Variants in DNAH14 observed in about 807,000 individuals in gnomAD.
DNAH14 encodes the protein axonemal beta dynein heavy chain 14.
In DNAH14, 478 loss-of-function variants were observed where a neutral mutation model predicts 520.9. The observed-to-expected ratio is 0.92, with a 90% CI of 0.85 to 0.99. DNAH14 has a LOEUF of 0.99. DNAH14 is among the 50% of genes least tolerant of loss of function. The probability of loss-of-function intolerance (pLI) is 0.00; values close to 1 mark genes in which losing one functional copy is unlikely to be tolerated. For synonymous variants in DNAH14, 1,581 were observed against 1,757.2 expected, an observed-to-expected ratio of 0.90 and a Z score of 2.51; for missense variants, 4,831 against 5,234.5, an observed-to-expected ratio of 0.92 and a Z score of 2.38.
rs1485523320 is a variant in DNAH14, at chr1:225,050,250, CTTCATTGATTTGG to C, written c.1956_1968del (p.Ile653GlnfsTer2). On this transcript the variant is annotated frameshift_variant, in exon 16 of 86. Coordinates refer to ENST00000682510, the MANE Select transcript of DNAH14 (RefSeq NM_001367479.1). LOFTEE classifies it high-confidence loss of function. ...TTTGCCAAGATCCCCAGCTGTCTAT[CTTCATTGATTTGG>C]TTTCAATAATGGATTTACCTAATAA... is the stretch of plus-strand genomic sequence containing the variant. 6.5e-7 allele frequency: 1 copy of C among 1,548,904 alleles called. No individual in the cohort carries two copies. The highest frequency in any genetic ancestry group is 1.4e-5 in the African/African-American group (1 of 72,904).
At chr1:225,073,884 T>C (rs181615110) in intron 17 of DNAH14, among the ~76,000 whole-genome samples, 300 of 151,714 alleles carry the variant, frequency 2.0e-3, no homozygotes, top group Non-Finnish European at 3.1e-3. Context: ...GCTTTCACCA[T>C]GTTGGCCAAA....
At chr1:225,068,080 G>T in intron 17 of DNAH14, among the ~76,000 whole-genome samples, 1 of 152,030 alleles carries the variant, frequency 6.6e-6, no homozygotes, top group Non-Finnish European at 1.5e-5. Context: ...TATAGTTTGG[G>T]GTTTTACATT....
intron 69 of DNAH14, among the ~76,000 whole-genome samples, chr1:225,342,844 C>T (rs1351669577): frequency 1.3e-5 from 2 of 151,436 alleles, no homozygotes; most frequent in Non-Finnish European, 2.9e-5. Context: ...ATGGGTCCCA[C>T]CCCCACCCCT....
At chr1:224,957,125 G>T (rs191520633) in intron 3 of DNAH14, among the ~76,000 whole-genome samples, 1 of 152,026 alleles carries the variant, frequency 6.6e-6, no homozygotes, top group Non-Finnish European at 1.5e-5. Context: ...CGATATAGGG[G>T]GACCATTTAT....
chr1:225,094,656 C>CAAAAAAAAAAAAAAAAAAAAAAAAAA (rs760828776), intron 21 of DNAH14, among the ~76,000 whole-genome samples: 14 of 77,850 alleles, frequency 1.8e-4, no homozygotes, highest in Non-Finnish European at 3.8e-4. Flanking sequence ...TTCTGCACAG[C>CAAAAAAAAAAAAAAAAAAAAAAAAAA]AAAAAAAAAA....
intron 50 of DNAH14, among the ~76,000 whole-genome samples, chr1:225,271,328 A>G (rs1266494018): frequency 6.6e-6 from 1 of 152,214 alleles, no homozygotes; most frequent in Admixed American, 6.5e-5. Context: ...TACCAACTGT[A>G]TCAGAATTAC....
In DNAH14 at chr1:225,380,156, C is replaced by CAGACCTGAGCAGAGTAAGGATGA. The variant is rs1558580895; in HGVS notation, c.12717-1_12738dup. ...CTCATTCTTCTCTTGGTTTTTTTTG[C>CAGACCTGAGCAGAGTAAGGATGA]AGACCTGAGCAGAGTAAGGATGAAC... On this transcript the variant is annotated splice_polypyrimidine_tract_variant and splice_region_variant and intron_variant, in intron 79 of 85. Transcript: ENST00000682510. 1.3e-6 allele frequency: 2 copies of CAGACCTGAGCAGAGTAAGGATGA among 1,537,936 alleles called. No homozygotes were observed. The highest frequency in any genetic ancestry group is 4.2e-5 in the Admixed American group (2 of 47,312).
rs1350971281 is a variant in DNAH14 at position 225,380,288 on chromosome 1, C to T, written c.12846C>T (p.Ser4282=). 3.9e-6 allele frequency: 6 copies of T among 1,551,460 alleles called. No individual in the cohort carries two copies. In the Admixed American group the frequency reaches 9.8e-5, roughly 25 times the overall value. ...TPSTLKSMMS[S]SIWESLSKNL... ...GCACATTGAAGAGCATGATGTCAAGCTCCATTTGGGAGTCTCTTTCTAAAA... is the reference window on the plus strand; with the variant it reads ...GCACATTGAAGAGCATGATGTCAAGTTCCATTTGGGAGTCTCTTTCTAAAA... Residue 4282 remains serine, a synonymous_variant, in exon 80 of 86, where the codon AGC becomes AGT. Transcript: ENST00000682510.
At chr1:225,159,244 A>G (rs2081318168) in intron 34 of DNAH14, 70 bp from the exon 35 acceptor site, 3 of 1,273,742 alleles carry the variant, frequency 2.4e-6, no homozygotes, top group South Asian at 1.4e-5. Context: ...CAGAATGTTA[A>G]TGGTCTTCAG....
chr1:224,993,494 T>C (rs2063190992), intron 8 of DNAH14, among the ~76,000 whole-genome samples: 1 of 152,034 alleles, frequency 6.6e-6, no homozygotes, highest in Non-Finnish European at 1.5e-5. Flanking sequence ...TAATTGTTCA[T>C]AACAGCCTCT....
intron 56 of DNAH14, 87 bp downstream of exon 56, chr1:225,301,117 A>G (rs911465413): frequency 4.4e-6 from 6 of 1,377,424 alleles, no homozygotes; most frequent in Admixed American, 5.5e-5. Context: ...CAAGTTGGAT[A>G]TAATTTCTTT....
intron 36 of DNAH14, among the ~76,000 whole-genome samples, chr1:225,181,711 T>A (rs1399112695): frequency 6.6e-6 from 1 of 152,196 alleles, no homozygotes; most frequent in Non-Finnish European, 1.5e-5. Flanking sequence ...TTGAATTCTT[T>A]AAGTTGCTTA....
chr1:225,104,705 T>A (rs1479668453), intron 23 of DNAH14, among the ~76,000 whole-genome samples: 2 of 152,234 alleles, frequency 1.3e-5, no homozygotes, highest in Admixed American at 1.3e-4. Flanking sequence ...GATGGTAGTT[T>A]GTATTTCTGT....
chr1:225,149,477 T>G (rs2080274003), intron 31 of DNAH14, among the ~76,000 whole-genome samples: 1 of 152,240 alleles, frequency 6.6e-6, no homozygotes, highest in Admixed American at 6.5e-5. Flanking sequence ...AAAATGTCAC[T>G]GGTAATTTGA....
chr1:225,340,488 C>T lies in DNAH14; in HGVS notation c.10465C>T (p.His3489Tyr), dbSNP rs2095157450. 2 of 1,550,892 alleles carry T rather than the reference C, an allele frequency of 1.3e-6. No individual in the cohort carries two copies. Among genetic ancestry groups the T allele is most frequent in the East Asian group, 4.9e-5 (2 of 40,808 alleles). ...LYLSTEIDNP[H>Y]FLPSVYNFVT... Reference sequence around the variant, plus strand: ...CTTATCTACAGAAATAGACAACCCCCATTTTCTTCCATCAGTTTATAACTT... The same window carrying T: ...CTTATCTACAGAAATAGACAACCCCTATTTTCTTCCATCAGTTTATAACTT... Residue 3489 changes from histidine to tyrosine, a missense_variant, in exon 69 of 86, where the codon CAT becomes TAT. Coordinates refer to ENST00000682510, the MANE Select transcript of DNAH14 (RefSeq NM_001367479.1).
intron 10 of DNAH14, among the ~76,000 whole-genome samples, chr1:225,009,245 A>G (rs2064477494): frequency 6.6e-6 from 1 of 152,144 alleles, no homozygotes; most frequent in Admixed American, 6.5e-5. Context: ...TAGGTCTTAC[A>G]TTTAAGCCTT....
intron 84 of DNAH14, chr1:225,396,999 CCCAGTAAAATTCT>C (rs1453438901): frequency 8.1e-6 from 1 of 123,760 alleles, no homozygotes; most frequent in Non-Finnish European, 1.6e-5. Flanking sequence ...CAAAGCAATT[CCCAGTAAAATTCT>C]TTTTTTTTTT....
intron 41 of DNAH14, among the ~76,000 whole-genome samples, chr1:225,214,302 C>T (rs1384267927): frequency 1.1e-4 from 16 of 152,212 alleles, no homozygotes; most frequent in East Asian, 3.9e-4. Context: ...CTGCTGGATT[C>T]GGTTTGCCAG....
intron 51 of DNAH14, 46 bp from the exon 52 acceptor site, chr1:225,272,909 C>T: frequency 6.8e-7 from 1 of 1,476,386 alleles, no homozygotes; most frequent in Non-Finnish European, 8.9e-7. Flanking sequence ...CACATACTAC[C>T]CTGCTAATTT....
Sources: allele counts gnomAD v4.1 joint callset (sites outside exome capture counted in the v4.1 genomes callset), GRCh38; gene constraint gnomAD v4.1.1; transcripts MANE v1.5; gene names NCBI Gene and HGNC (gene_info 2026-07-23, HGNC 2026-07-21).